PLEKHG4B: variants seen among roughly 807,000 people sequenced by gnomAD.
PLEKHG4B encodes the protein pleckstrin homology domain-containing family G member 4B.
A neutral mutation model predicts 121.3 loss-of-function variants in PLEKHG4B; 111 were observed. The observed-to-expected ratio is 0.92, with a 90% CI of 0.78 to 1.07. The LOEUF (loss-of-function observed/expected upper bound fraction) is 1.07, where lower values mean the gene tolerates loss of function less well. Among genes scored for constraint, PLEKHG4B ranks in the 50% least tolerant of loss-of-function variants. The probability of loss-of-function intolerance (pLI) is 0.00; values close to 1 mark genes in which losing one functional copy is unlikely to be tolerated. For synonymous variants in PLEKHG4B, 738 were observed against 725.0 expected (o/e 1.02, Z -0.29); for missense variants, 1,831 against 1,757.8 (o/e 1.04, Z -0.74).
chr5:182,384 C>A lies in PLEKHG4B; in HGVS notation c.*61C>A. On this transcript the variant is annotated 3_prime_UTR_variant, in exon 20 of 20. Transcript: ENST00000637938. ...GAACAATACAGAGGGAGCAGCACGCCAGGCCTGATGACTCTGGGGGTGGCG... is the reference window on the plus strand; with the variant it reads ...GAACAATACAGAGGGAGCAGCACGCAAGGCCTGATGACTCTGGGGGTGGCG... The A allele has an allele frequency of 6.7e-7, 1 of 1,491,334 alleles. No individual in the cohort carries two copies. Among genetic ancestry groups the A allele is most frequent in the Non-Finnish European group, 9.0e-7 (1 of 1,113,420 alleles). The allele number at this position is 1,491,334 out of a possible 1,614,324, so 92.4% of individuals were successfully genotyped here.
chr5:177,484 T>C (rs1736793564), intron 18 of PLEKHG4B, among the ~76,000 whole-genome samples: 1 of 152,218 alleles, frequency 6.6e-6, no homozygotes, highest in Admixed American at 6.5e-5. Context: ...TAATATACAC[T>C]AGAGTTTGTT....
At chr5:112,126 C>G (rs1020745424) in intron 1 of PLEKHG4B, among the ~76,000 whole-genome samples, 1 of 152,210 alleles carries the variant, frequency 6.6e-6, no homozygotes, top group African/African-American at 2.4e-5. Context: ...TGAGTGAGAA[C>G]GAGCCAGTGT....
intron 2 of PLEKHG4B, among the ~76,000 whole-genome samples, chr5:123,700 G>T (rs1301427916): frequency 6.6e-6 from 1 of 152,114 alleles, no homozygotes; most frequent in Non-Finnish European, 1.5e-5. Flanking sequence ...AGAATCAGTA[G>T]TAAGTAATAT....
intron 17 of PLEKHG4B, 136 bp downstream of exon 17, chr5:173,203 T>C (rs1736629883): frequency 7.2e-6 from 6 of 832,948 alleles, no homozygotes; most frequent in Admixed American, 2.8e-5. Flanking sequence ...CGATGTTTGT[T>C]TTCTGCGGTT....
At chr5:107,185 G>T (rs907233618) in intron 1 of PLEKHG4B, among the ~76,000 whole-genome samples, 4 of 152,198 alleles carry the variant, frequency 2.6e-5, no homozygotes, top group East Asian at 1.9e-4. Flanking sequence ...GCTGGAGGAG[G>T]TGCCAGCCCT....
At chr5:173,714 C>G (rs1244872371) in intron 17 of PLEKHG4B, among the ~76,000 whole-genome samples, 1 of 151,980 alleles carries the variant, frequency 6.6e-6, no homozygotes, top group Non-Finnish European at 1.5e-5. Context: ...GGACAGCTAT[C>G]CTGCACACAG....
chr5:115,976 T>C (rs1233937214), intron 2 of PLEKHG4B, among the ~76,000 whole-genome samples: 1 of 152,240 alleles, frequency 6.6e-6, no homozygotes, highest in Non-Finnish European at 1.5e-5. Context: ...AGCTTTTCTT[T>C]AGTGTTTACA....
At position 189,703 on chromosome 5, in the gene PLEKHG4B, AAGC is replaced by A. The variant is rs66791844; in HGVS notation, c.*7381_*7383del. On this transcript the variant is annotated 3_prime_UTR_variant, in exon 20 of 20. Coordinates refer to ENST00000637938, the MANE Select transcript of PLEKHG4B (RefSeq NM_052909.5). ...CCTCTCTAAAAGAAGGGAAAACAGT[AAGC>A]GAGAGGGAGGCTGCAGGGGCCCAGA... 0.15 allele frequency: 22,077 copies of A among 152,090 alleles called. 3,761 individuals carry two copies. The highest frequency in any genetic ancestry group is 0.41 in the African/African-American group (17,046 of 41,378). The allele number at this position is 152,090 out of a possible 1,614,324, so 9.4% of individuals were successfully genotyped here. A position where few individuals can be genotyped will look rare whatever the true frequency, so the allele number is the denominator to read the frequency against.
Position 113,513 on chromosome 5 carries a change from C to T in PLEKHG4B, c.243+65C>T. 2.5e-6 allele frequency: 1 copy of T among 398,856 alleles called. No individual in the cohort carries two copies. Among genetic ancestry groups the T allele is most frequent in the South Asian group, 1.3e-4 (1 of 7,718 alleles). 24.7% of individuals were successfully genotyped at this position (398,856 alleles called of 1,614,324 possible). On this transcript the variant is annotated intron_variant, in intron 2 of 19. Transcript: ENST00000637938. The surrounding 1 kb of genome is among the most constrained non-coding windows in gnomAD (Gnocchi z 5.2). ...TGGAGGAACCTGCCCTTTCCCTGGG[C>T]AGGGCAGGAATTGGGCCCATCAGGG...
rs1246445856 is a variant in PLEKHG4B, at chr5:151,544, T to A, written c.1937T>A (p.Leu646Ter). 6.3e-7 allele frequency: 1 copy of A among 1,586,980 alleles called. No homozygotes were observed. Among genetic ancestry groups the A allele is most frequent in the Non-Finnish European group, 8.6e-7 (1 of 1,156,326 alleles). ...ACATCTCCTATAATTCATAGTATCT[T>A]GCTGTTGGTAGATAAAGAATCTGCA... is the stretch of plus-strand genomic sequence containing the variant. ...NNTSPIIHSI[L>*]LLVDKESAFR... The change falls in exon 7 of 20, where the codon TTG becomes TAG. Residue 646 changes from leucine (L) to a stop codon, truncating the protein, a stop_gained. Transcript: ENST00000637938. LOFTEE classifies it high-confidence loss of function.
intron 1 of PLEKHG4B, among the ~76,000 whole-genome samples, chr5:94,014 G>C (rs1733551916): frequency 6.6e-6 from 1 of 152,286 alleles, no homozygotes; most frequent in East Asian, 1.9e-4. Flanking sequence ...ACAAAAGTCA[G>C]GCCATCTAGA....
intron 1 of PLEKHG4B, among the ~76,000 whole-genome samples, chr5:102,134 C>T (rs970784961): frequency 1.1e-4 from 17 of 148,016 alleles, no homozygotes; most frequent in Admixed American, 1.0e-3. Flanking sequence ...CATATAAAGC[C>T]CTGGAAAAAG....
At chr5:103,815 C>A (rs1279479503) in intron 1 of PLEKHG4B, among the ~76,000 whole-genome samples, 2 of 152,154 alleles carry the variant, frequency 1.3e-5, no homozygotes, top group African/African-American at 2.4e-5. Flanking sequence ...GAACTTATTC[C>A]TTCTATCTGA....
Position 148,344 on chromosome 5 carries a change from C to CAA in PLEKHG4B, c.1906-3157_1906-3156dup, listed in dbSNP as rs71590513. 9.8e-4 allele frequency among the ~76,000 whole-genome samples: 92 copies of CAA among 94,080 alleles called. 1 individual carries two copies. Among genetic ancestry groups the CAA allele is most frequent in the Middle Eastern group, 5.4e-3 (1 of 184 alleles). The allele number at this position is 94,080 out of a possible 152,430, so 61.7% of individuals were successfully genotyped here. ...TATGCAGAAAACCCTAACAGTTCCA[C>CAA]AAAAAAAAAAAAATAAATAAAAATA... On this transcript the variant is annotated intron_variant, in intron 6 of 19. Transcript: ENST00000637938.
At chr5:163,737 G>A (rs538808239) in intron 13 of PLEKHG4B, among the ~76,000 whole-genome samples, 189 bp downstream of exon 13, 22 of 152,158 alleles carry the variant, frequency 1.4e-4, no homozygotes, top group Non-Finnish European at 1.8e-4. Context: ...CCCCATGTCC[G>A]GAAGGGACCA....
chr5:162,642 C>G (rs532801826), intron 12 of PLEKHG4B, 80 bp from the exon 13 acceptor site: 29 of 1,092,908 alleles, frequency 2.7e-5, no homozygotes, highest in South Asian at 6.8e-5. Context: ...ATAGGCTGAC[C>G]TGGGGAACAG....
At chr5:177,512 G>A (rs566224945) in intron 18 of PLEKHG4B, among the ~76,000 whole-genome samples, 2 of 152,252 alleles carry the variant, frequency 1.3e-5, no homozygotes, top group East Asian at 1.9e-4. Context: ...GAAGGTATCC[G>A]AGTGACCGGC....
intron 2 of PLEKHG4B, among the ~76,000 whole-genome samples, chr5:114,170 G>A (rs1370022281): frequency 6.6e-6 from 1 of 152,182 alleles, no homozygotes; most frequent in Non-Finnish European, 1.5e-5. Flanking sequence ...GTTGATGGCT[G>A]CTGACTGATC....
intron 18 of PLEKHG4B, among the ~76,000 whole-genome samples, chr5:178,968 G>C (rs996545983): frequency 3.3e-5 from 5 of 152,150 alleles, no homozygotes; most frequent in Non-Finnish European, 7.4e-5. Context: ...TTTTTTATTT[G>C]TATTTTTAAC....
Sources: allele counts gnomAD v4.1 joint callset (sites outside exome capture counted in the v4.1 genomes callset), GRCh38; gene constraint gnomAD v4.1.1; non-coding constraint Gnocchi (gnomAD v3.1); transcripts MANE v1.5; gene names NCBI Gene and HGNC (gene_info 2026-07-23, HGNC 2026-07-21).